ADCY3: variants seen among roughly 807,000 people sequenced by gnomAD.
The protein encoded by ADCY3 is adenylate cyclase 3.
In ADCY3, 70 loss-of-function variants were observed where a neutral mutation model predicts 119.4. The ratio of observed to expected loss-of-function variants is 0.59; its 90% CI spans 0.48 to 0.72. The LOEUF is 0.72. Ranked by LOEUF, ADCY3 falls within the 30% of genes least tolerant of loss-of-function variation. ADCY3 has a pLI of 0.00. For synonymous variants in ADCY3, 672 were observed against 621.4 expected (o/e 1.08, Z -1.21); for missense variants, 1,238 against 1,541.6 (o/e 0.80, Z 3.30).
chr2:24,883,619 CT>C (rs1277242840), intron 2 of ADCY3, among the ~76,000 whole-genome samples: 3 of 152,236 alleles, frequency 2.0e-5, no homozygotes, highest in Non-Finnish European at 4.4e-5. Context: ...TTTGCTCATG[CT>C]TTCTTACCTA....
At chr2:24,822,414 T>C (rs1227308757) in intron 19 of ADCY3, 97 bp downstream of exon 19, 2 of 1,532,370 alleles carry the variant, frequency 1.3e-6, no homozygotes, top group African/African-American at 1.4e-5. Flanking sequence ...GGGACCACTT[T>C]GCACAGCAGT....
intron 14 of ADCY3, 45 bp downstream of exon 14, chr2:24,827,857 G>C (rs759333413): frequency 1.2e-6 from 2 of 1,607,030 alleles, no homozygotes. Flanking sequence ...CTTTGCGGGC[G>C]GGAGGAAGGA....
intron 2 of ADCY3, chr2:24,877,812 G>C (rs1558489250): frequency 2.2e-6 from 1 of 459,034 alleles, no homozygotes. Context: ...GAGGCTCCTT[G>C]GCCTGGGGCG....
chr2:24,867,213 A>T (rs897874877), intron 3 of ADCY3, among the ~76,000 whole-genome samples: 2 of 152,258 alleles, frequency 1.3e-5, no homozygotes, highest in Non-Finnish European at 2.9e-5. Context: ...AGTCTATCTG[A>T]CAACTGGCAT....
At chr2:24,846,734 A>AT (rs1671699574) in intron 3 of ADCY3, among the ~76,000 whole-genome samples, 1 of 152,038 alleles carries the variant, frequency 6.6e-6, no homozygotes, top group South Asian at 2.1e-4. Flanking sequence ...GCCTGCCCCC[A>AT]TGCCCGGCTA....
At position 24,829,707 on chromosome 2, in the gene ADCY3, C is replaced by T. The variant is rs1020822865; in HGVS notation, c.2172+1002G>A. Among the ~76,000 whole-genome samples the T allele has an allele frequency of 1.1e-4, 17 of 151,724 alleles. 2 individuals carry two copies. Among genetic ancestry groups the T allele is most frequent in the East Asian group, 3.9e-4 (2 of 5,180 alleles). ...AAAGTGCTGGGATTACAGGCGTGAG[C>T]CACTGCGCCCGGCACCGTGTGCTCC... On this transcript the variant is annotated intron_variant, in intron 13 of 21. Transcript: ENST00000679454.
rs1670367481 is a variant in ADCY3, at chr2:24,836,703, C to G, written c.1662+214G>C. 2.0e-5 allele frequency among the ~76,000 whole-genome samples: 3 copies of G among 152,296 alleles called. No homozygotes were observed. In the South Asian group the frequency reaches 6.2e-4, roughly 32 times the overall value. On this transcript the variant is annotated intron_variant, in intron 9 of 21. Coordinates refer to ENST00000679454, the MANE Select transcript of ADCY3 (RefSeq NM_004036.5). ...CTCCGAGCTAAGCACCTCTTTTGAC[C>G]TTACTCACCCCGGCATGTAACTGAT...
chr2:24,821,617 G>A lies in ADCY3; in HGVS notation c.3027C>T (p.Arg1009=). The change falls in exon 20 of 22, where the codon CGC becomes CGT. Residue 1009 remains arginine (R), a synonymous_variant. Coordinates refer to ENST00000679454, the MANE Select transcript of ADCY3 (RefSeq NM_004036.5). ...SNKEDKSERE[R]WQHLADLADF... Reference sequence around the variant, plus strand: ...CGGCCAGGTCAGCCAGGTGCTGCCAGCGCTCTCTCTCGGACTTGTCTTCCT... The same window carrying A: ...CGGCCAGGTCAGCCAGGTGCTGCCAACGCTCTCTCTCGGACTTGTCTTCCT... 1.2e-6 allele frequency: 2 copies of A among 1,614,160 alleles called. No homozygotes were observed. Among genetic ancestry groups the A allele is most frequent in the South Asian group, 1.1e-5 (1 of 91,086 alleles).
chr2:24,906,034 T>C (rs147176876), intron 2 of ADCY3, among the ~76,000 whole-genome samples: 40 of 152,076 alleles, frequency 2.6e-4, no homozygotes, highest in African/African-American at 9.2e-4. Context: ...ATGGAAGGGA[T>C]AGGAAATGCC....
intron 3 of ADCY3, among the ~76,000 whole-genome samples, chr2:24,865,431 G>T (rs905744331): frequency 2.6e-5 from 4 of 151,728 alleles, no homozygotes; most frequent in African/African-American, 9.7e-5. Flanking sequence ...AACAGAGTGA[G>T]ACTCTGTCTC....
In ADCY3 at chr2:24,831,886, CCAGGGGG is replaced by C. The variant is rs1313352879; in HGVS notation, c.1968-144_1968-138del. 5.3e-4 allele frequency: 187 copies of C among 353,096 alleles called. 1 individual carries two copies. Among genetic ancestry groups the C allele is most frequent in the African/African-American group, 3.8e-3 (144 of 38,160 alleles). The allele number at this position is 353,096 out of a possible 1,614,324, so 21.9% of individuals were successfully genotyped here. ...GGGGGCAGGGGACAGTGGACAGGGG[CCAGGGGG>C]CAGGGGACAGCGGACAGGGGCCAGG... On this transcript the variant is annotated intron_variant, in intron 11 of 21. Transcript: ENST00000679454.
intron 3 of ADCY3, among the ~76,000 whole-genome samples, chr2:24,868,210 G>A (rs1410070410): frequency 2.0e-5 from 3 of 152,014 alleles, no homozygotes; most frequent in Non-Finnish European, 4.4e-5. Flanking sequence ...CTTCTACGTC[G>A]CCCATGGATC....
intron 20 of ADCY3, 66 bp from the exon 21 acceptor site, chr2:24,820,914 TCTC>T (rs1667550104): frequency 1.9e-6 from 3 of 1,591,002 alleles, no homozygotes; most frequent in African/African-American, 1.3e-5. Flanking sequence ...TCAGAAGCCA[TCTC>T]CTCTCCAGAC....
rs1678650176 is a variant in ADCY3 at position 24,899,358 on chromosome 2, T to C, written c.675+18955A>G. On this transcript the variant is annotated intron_variant, in intron 2 of 21. Transcript: ENST00000679454. This position sits in a 1 kb window ranked among gnomAD's most constrained non-coding sequence, Gnocchi z 4.5. ...CAATCCCAATAAATAAACCATTCTC[T>C]TGCGACCAAAGCCCATGTCTGTCTA... Among the ~76,000 whole-genome samples the C allele has an allele frequency of 6.6e-6, 1 of 152,236 alleles. No individual in the cohort carries two copies. The highest frequency in any genetic ancestry group is 2.1e-4 in the South Asian group (1 of 4,836).
At chr2:24,832,961 G>A (rs920120999) in intron 11 of ADCY3, among the ~76,000 whole-genome samples, 5 of 152,088 alleles carry the variant, frequency 3.3e-5, no homozygotes, top group East Asian at 1.9e-4. Flanking sequence ...CCACACTCAC[G>A]CCCCACAACC....
chr2:24,872,620 G>A lies in ADCY3; in HGVS notation c.775C>T (p.Arg259Cys), dbSNP rs756575010. The part of the protein sequence containing the change: ...RKHRKAFLEA[R>C]QSLEVKMNLE... ...TTCATCTTCACCTCCAGCGACTGGC[G>A]GGCCTCCAGGAAGGCCTTGCGGTGC... The change falls in exon 3 of 22, where the codon CGC becomes TGC. Residue 259 changes from arginine (R) to cysteine (C), a missense_variant. Arg to Cys is a radical substitution (Grantham distance 180). Transcript: ENST00000679454. The surrounding 1 kb of genome is among the most constrained non-coding windows in gnomAD (Gnocchi z 4.4). The A allele has an allele frequency of 5.7e-5, 92 of 1,614,060 alleles. 2 individuals carry two copies. Among genetic ancestry groups the A allele is most frequent in the South Asian group, 8.8e-5 (8 of 91,082 alleles).
intron 2 of ADCY3, among the ~76,000 whole-genome samples, chr2:24,909,216 G>A (rs951258320): frequency 6.6e-6 from 1 of 152,036 alleles, no homozygotes. Context: ...GCCACGCCTG[G>A]ACTCCCTCAC....
chr2:24,829,018 T>TTTC (rs1669037224), intron 13 of ADCY3, among the ~76,000 whole-genome samples: 1 of 87,978 alleles, frequency 1.1e-5, no homozygotes, highest in Admixed American at 1.7e-4. Context: ...TTATTCTTTT[T>TTTC]TTTCTTTTTT....
At position 24,828,013 on chromosome 2, in the gene ADCY3, A is replaced by C; in HGVS notation, c.2321T>G (p.Met774Arg). The C allele has an allele frequency of 4.3e-6, 7 of 1,614,248 alleles. No individual in the cohort carries two copies. Among genetic ancestry groups the C allele is most frequent in the Non-Finnish European group, 5.9e-6 (7 of 1,180,040 alleles). Reference protein sequence around the residue: ...ATIMLVQVSHMVKLTLMLLVA... With the variant: ...ATIMLVQVSHRVKLTLMLLVA... ...GAGCAGCATGAGCGTGAGCTTCACCATGTGGCTGACCTGCACCAGCATGAT... is the reference window on the plus strand; with the variant it reads ...GAGCAGCATGAGCGTGAGCTTCACCCTGTGGCTGACCTGCACCAGCATGAT... Residue 774 changes from methionine (M) to arginine (R), a missense_variant, in exon 14 of 22, where the codon ATG becomes AGG. Physicochemically the swap from Met to Arg is moderately conservative, Grantham distance 91. This residue lies in a region of ADCY3 where 499 missense variants were observed against 571.0 expected (regional missense o/e 0.87). Coordinates refer to ENST00000679454, the MANE Select transcript of ADCY3 (RefSeq NM_004036.5).
Sources: allele counts gnomAD v4.1 joint callset (sites outside exome capture counted in the v4.1 genomes callset), GRCh38; gene constraint gnomAD v4.1.1; regional missense constraint gnomAD v4.1.1; non-coding constraint Gnocchi (gnomAD v3.1); transcripts MANE v1.5; gene names NCBI Gene and HGNC (gene_info 2026-07-23, HGNC 2026-07-21).